Variants in RYR3 observed in about 807,000 individuals in gnomAD.
The protein encoded by RYR3 is ryanodine receptor 3, also known as brain ryanodine receptor-calcium release channel.
In RYR3, 207 loss-of-function variants were observed where a neutral mutation model predicts 584.3. The ratio of observed to expected loss-of-function variants is 0.35; its 90% CI spans 0.32 to 0.40. RYR3 has a LOEUF of 0.40. RYR3 is among the 10% of genes least tolerant of loss of function. The pLI, the probability that RYR3 is intolerant of heterozygous loss-of-function variation, is 1.00. For missense variants in RYR3, 5,616 were observed against 6,089.2 expected (o/e 0.92, Z 2.59); for synonymous variants, 2,416 against 2,248.5 (o/e 1.07, Z -2.11).
At chr15:33,760,354 G>A (rs958682004) in intron 60 of RYR3, among the ~76,000 whole-genome samples, 1 of 151,374 alleles carries the variant, frequency 6.6e-6, no homozygotes, top group Non-Finnish European at 1.5e-5. Flanking sequence ...GGATAGTCAA[G>A]ACCCATCTCA....
intron 43 of RYR3, among the ~76,000 whole-genome samples, chr15:33,709,932 G>A (rs4780161): frequency 0.081 from 12,252 of 152,116 alleles, 1,058 homozygotes; most frequent in African/African-American, 0.22. Flanking sequence ...CGTGTAGAGA[G>A]CTGTAAAACT....
chr15:33,363,642 C>T (rs1975073506), intron 1 of RYR3, among the ~76,000 whole-genome samples: 1 of 152,104 alleles, frequency 6.6e-6, no homozygotes, highest in African/African-American at 2.4e-5. Flanking sequence ...TTACTGAGTA[C>T]AAGCTTTTTG....
At chr15:33,764,858 C>G (rs1359340168) in intron 60 of RYR3, among the ~76,000 whole-genome samples, 1 of 151,862 alleles carries the variant, frequency 6.6e-6, no homozygotes, top group African/African-American at 2.4e-5. Context: ...TGGTGAAACC[C>G]CATCTCTACT....
chr15:33,461,180 G>A (rs924809924), intron 1 of RYR3, among the ~76,000 whole-genome samples: 6 of 151,792 alleles, frequency 4.0e-5, no homozygotes, highest in South Asian at 2.1e-4. Context: ...TCCTGACCTC[G>A]TGACCCGCCC....
chr15:33,434,210 G>A (rs537032209), intron 1 of RYR3, among the ~76,000 whole-genome samples: 13 of 152,178 alleles, frequency 8.5e-5, no homozygotes, highest in Non-Finnish European at 1.9e-4. Context: ...AGTAAATGTA[G>A]ATTGTATTTT....
At chr15:33,614,344 C>G (rs143662165) in intron 19 of RYR3, among the ~76,000 whole-genome samples, 1,832 of 151,954 alleles carry the variant, frequency 0.012, 36 homozygotes, top group African/African-American at 0.041. Flanking sequence ...CTAAAGAATT[C>G]CAAAGTCTGA....
chr15:33,414,363 A>G (rs1420653341), intron 1 of RYR3, among the ~76,000 whole-genome samples: 1 of 152,168 alleles, frequency 6.6e-6, no homozygotes, highest in Non-Finnish European at 1.5e-5. Context: ...CTGTATAGCT[A>G]AAGTTCTGGA....
At chr15:33,670,239 ATT>A (rs34219516) in intron 37 of RYR3, among the ~76,000 whole-genome samples, 178 bp from the exon 38 acceptor site, 228 of 151,656 alleles carry the variant, frequency 1.5e-3, no homozygotes, top group African/African-American at 4.5e-3. Context: ...GGAAATCAAT[ATT>A]TTTTTTTTCA....
chr15:33,767,612 C>A (rs145916016), intron 60 of RYR3, among the ~76,000 whole-genome samples: 1 of 152,324 alleles, frequency 6.6e-6, no homozygotes, highest in African/African-American at 2.4e-5. Context: ...CTATGGAAGA[C>A]TTCTGCCCTG....
chr15:33,392,002 T>C (rs1049956273), intron 1 of RYR3, among the ~76,000 whole-genome samples: 2 of 152,162 alleles, frequency 1.3e-5, no homozygotes, highest in South Asian at 4.1e-4. Context: ...TTCCTGCAAA[T>C]GTGGCTAGAT....
At chr15:33,770,687 G>T (rs1226357333) in intron 62 of RYR3, among the ~76,000 whole-genome samples, 3 of 151,996 alleles carry the variant, frequency 2.0e-5, no homozygotes, top group African/African-American at 7.2e-5. Flanking sequence ...AGGCTCTCAT[G>T]AGAGGTCACT....
chr15:33,678,221 C>A (rs1468898702), intron 38 of RYR3, among the ~76,000 whole-genome samples: 3 of 152,196 alleles, frequency 2.0e-5, no homozygotes, highest in Admixed American at 2.0e-4. Flanking sequence ...CCACACAAAT[C>A]TCATGTCGAA....
intron 1 of RYR3, among the ~76,000 whole-genome samples, chr15:33,354,363 T>C (rs1461494676): frequency 6.6e-6 from 1 of 152,232 alleles, no homozygotes; most frequent in Non-Finnish European, 1.5e-5. Flanking sequence ...TGGTAGAGCA[T>C]TGCCTCTTGT....
chr15:33,425,845 T>G (rs1170990480), intron 1 of RYR3, among the ~76,000 whole-genome samples: 2 of 151,932 alleles, frequency 1.3e-5, no homozygotes, highest in East Asian at 1.9e-4. Flanking sequence ...GGTTTCACCG[T>G]GTTAGCCAGG....
In RYR3 at chr15:33,840,863, A is replaced by T; in HGVS notation, c.13017A>T (p.Lys4339Asn). The stretch of plus-strand genomic sequence containing the variant: ...AAGCAGCAAATGAAGCAGAAGGAAA[A>T]GTAGAATCCGAGAAGGCAGAGTAAG... Reference protein sequence around the residue: ...EMKAANEAEGKVESEKADMED... With the variant: ...EMKAANEAEGNVESEKADMED... The change falls in exon 90 of 104, where the codon AAA (lysine) becomes AAT (asparagine). Residue 4339 changes from lysine to asparagine, a missense_variant. Lys to Asn is a moderately conservative substitution (Grantham distance 94). Coordinates refer to ENST00000634891, the MANE Select transcript of RYR3 (RefSeq NM_001036.6). 6.2e-7 allele frequency: 1 copy of T among 1,613,954 alleles called. No individual in the cohort carries two copies. Among genetic ancestry groups the T allele is most frequent in the Non-Finnish European group, 8.5e-7 (1 of 1,179,870 alleles).
intron 1 of RYR3, among the ~76,000 whole-genome samples, chr15:33,359,260 A>G (rs891404089): frequency 6.6e-6 from 1 of 152,214 alleles, no homozygotes; most frequent in African/African-American, 2.4e-5. Flanking sequence ...AACAATAACA[A>G]CACAACAAAC....
rs1284183511 is a variant in RYR3 at position 33,865,201 on chromosome 15, A to C, written c.14588A>C (p.Lys4863Thr). The C allele has an allele frequency of 6.2e-7, 1 of 1,613,620 alleles. No individual in the cohort carries two copies. The highest frequency in any genetic ancestry group is 8.5e-7 in the Non-Finnish European group (1 of 1,179,742). ...DFFPAGDCFR[K>T]QYEDQLG The stretch of plus-strand genomic sequence containing the variant: ...TTCCCAGCCGGTGACTGCTTTCGTA[A>C]ACAATATGAAGATCAGCTTGGATAA... Residue 4863 changes from lysine to threonine, a missense_variant, in exon 104 of 104, where the codon AAA (lysine) becomes ACA (threonine). Lys to Thr is a moderately conservative substitution (Grantham distance 78). Transcript: ENST00000634891.
chr15:33,714,478 G>C (rs971614374), intron 43 of RYR3, among the ~76,000 whole-genome samples: 1 of 152,128 alleles, frequency 6.6e-6, no homozygotes, highest in African/African-American at 2.4e-5. Flanking sequence ...TAATGAAGTC[G>C]TTAAGCTTCT....
At chr15:33,738,658 C>A in intron 50 of RYR3, 68 bp downstream of exon 50, 1 of 1,560,344 alleles carries the variant, frequency 6.4e-7, no homozygotes, top group South Asian at 1.1e-5. Context: ...ATAATAACAG[C>A]CGTCATCTGT....
Sources: allele counts gnomAD v4.1 joint callset (sites outside exome capture counted in the v4.1 genomes callset), GRCh38; gene constraint gnomAD v4.1.1; transcripts MANE v1.5; gene names NCBI Gene and HGNC (gene_info 2026-07-23, HGNC 2026-07-21).